The following DPP6 variants were observed in gnomAD, a reference collection of about 807,000 sequenced individuals.
The protein encoded by DPP6 is dipeptidyl peptidase like 6.
DPP6 carries 69 observed loss-of-function variants against 122.6 expected under a neutral mutation model. That is an observed-to-expected ratio of 0.56 (90% CI 0.46 to 0.69). The LOEUF is 0.69. DPP6 is among the 30% of genes least tolerant of loss of function. DPP6 has a pLI of 0.00. For missense variants in DPP6, 928 were observed against 1,116.9 expected (o/e 0.83, Z 2.41); for synonymous variants, 418 against 433.1 (o/e 0.97, Z 0.43).
At chr7:154,357,119 A>G (rs1307189568) in intron 1 of DPP6, among the ~76,000 whole-genome samples, 1 of 152,222 alleles carries the variant, frequency 6.6e-6, no homozygotes, top group East Asian at 1.9e-4. Flanking sequence ...ATGAACCATG[A>G]ACAATGAATA....
At chr7:154,883,759 C>T (rs1259115537) in intron 21 of DPP6, 1 of 136,008 alleles carries the variant, frequency 7.4e-6, no homozygotes, top group African/African-American at 2.6e-5. Flanking sequence ...CTACATACAC[C>T]TACTCACACA....
rs77816407 is a variant in DPP6 at position 154,572,510 on chromosome 7, C to CTTTTTTTTTTTTTTTT, written c.627+5605_627+5620dup. 9.6e-4 allele frequency among the ~76,000 whole-genome samples: 83 copies of CTTTTTTTTTTTTTTTT among 86,144 alleles called. 4 individuals carry two copies. The highest frequency in any genetic ancestry group is 7.9e-3 in the Middle Eastern group (1 of 126). The allele number at this position is 86,144 out of a possible 152,430, so 56.5% of individuals were successfully genotyped here. A position where few individuals can be genotyped will look rare whatever the true frequency, so the allele number is the denominator to read the frequency against. On this transcript the variant is annotated intron_variant, in intron 5 of 25. Coordinates refer to ENST00000377770, the MANE Select transcript of DPP6 (RefSeq NM_130797.4). ...ATATGAGTTTCTTTTTTTTTCTTTT[C>CTTTTTTTTTTTTTTTT]TTTTTTTTTTTTTTTTTTTTTTTTT...
At chr7:154,745,398 G>T (rs780538218) in intron 8 of DPP6, among the ~76,000 whole-genome samples, 4 of 152,130 alleles carry the variant, frequency 2.6e-5, no homozygotes, top group Admixed American at 6.6e-5. Flanking sequence ...CAATAGAATT[G>T]CCAGAGTATC....
At chr7:154,421,801 G>A (rs929515369) in intron 1 of DPP6, among the ~76,000 whole-genome samples, 3 of 152,190 alleles carry the variant, frequency 2.0e-5, no homozygotes, top group Non-Finnish European at 4.4e-5. Context: ...AGTGGAGAAC[G>A]GAACCAGCTA....
intron 1 of DPP6, among the ~76,000 whole-genome samples, chr7:154,046,597 C>T (rs1800027998): frequency 1.3e-5 from 2 of 152,214 alleles, no homozygotes; most frequent in Non-Finnish European, 2.9e-5. Flanking sequence ...CAGACTGTCC[C>T]ACTGAACATC....
chr7:154,162,909 G>A (rs986172543), intron 1 of DPP6, among the ~76,000 whole-genome samples: 10 of 151,980 alleles, frequency 6.6e-5, no homozygotes, highest in African/African-American at 2.4e-4. Flanking sequence ...TGCTAGTGCT[G>A]TAAGGAACTT....
intron 1 of DPP6, among the ~76,000 whole-genome samples, chr7:154,390,139 G>A (rs963839606): frequency 2.0e-5 from 3 of 152,214 alleles, no homozygotes; most frequent in Non-Finnish European, 2.9e-5. Context: ...CTGCATGCCA[G>A]TTAGCTTATT....
intron 1 of DPP6, among the ~76,000 whole-genome samples, chr7:154,060,746 CT>C (rs1801703297): frequency 7.5e-6 from 1 of 134,210 alleles, no homozygotes; most frequent in East Asian, 2.3e-4. Context: ...GAGGCAGGGA[CT>C]GAGAGCCAGT....
intron 1 of DPP6, among the ~76,000 whole-genome samples, chr7:153,954,854 T>G (rs971102518): frequency 6.6e-6 from 1 of 152,192 alleles, no homozygotes; most frequent in Admixed American, 6.5e-5. Flanking sequence ...TAAAATAAAT[T>G]TCTTCGTCTT....
chr7:154,804,704 C>T (rs1031965298), intron 14 of DPP6, among the ~76,000 whole-genome samples: 1 of 152,208 alleles, frequency 6.6e-6, no homozygotes, highest in African/African-American at 2.4e-5. Context: ...GCACCCGGAG[C>T]CAGTGGAATC....
chr7:153,871,826 G>T, the DPP6 span, among the ~76,000 whole-genome samples: 1 of 152,198 alleles, frequency 6.6e-6, no homozygotes, highest in Non-Finnish European at 1.5e-5. Context: ...AGACAGTTTA[G>T]AGAGTCATTA....
chr7:154,855,542 G>T (rs1212246154), intron 17 of DPP6, among the ~76,000 whole-genome samples: 1 of 152,200 alleles, frequency 6.6e-6, no homozygotes, highest in African/African-American at 2.4e-5. Flanking sequence ...AGCAATGGGG[G>T]CGGTATCCCC....
At chr7:153,971,222 T>TA (rs1796000450) in intron 1 of DPP6, among the ~76,000 whole-genome samples, 1 of 152,162 alleles carries the variant, frequency 6.6e-6, no homozygotes, top group African/African-American at 2.4e-5. Flanking sequence ...ATTTTTAACT[T>TA]ACTATTTCCA....
chr7:153,791,006 T>C, the DPP6 span, among the ~76,000 whole-genome samples: 108 of 152,286 alleles, frequency 7.1e-4, no homozygotes, highest in African/African-American at 2.5e-3. Flanking sequence ...AGAGAAATCA[T>C]GTGGTTTGAC....
chr7:153,893,349 C>A (rs1799285257), intron 1 of DPP6, among the ~76,000 whole-genome samples: 1 of 152,178 alleles, frequency 6.6e-6, no homozygotes, highest in African/African-American at 2.4e-5. Context: ...GTGCTATTAC[C>A]AAGAGGTGTG....
chr7:154,206,536 G>T (rs943447233), intron 1 of DPP6, among the ~76,000 whole-genome samples: 1 of 152,206 alleles, frequency 6.6e-6, no homozygotes, highest in Non-Finnish European at 1.5e-5. Context: ...ACGTGTCCAA[G>T]CCCGTATAGC....
chr7:154,389,067 T>G (rs758930215), intron 1 of DPP6, among the ~76,000 whole-genome samples: 7 of 152,176 alleles, frequency 4.6e-5, no homozygotes, highest in Non-Finnish European at 1.0e-4. Context: ...CCTTGATGGA[T>G]TACCGTCCCC....
At chr7:153,996,362 G>A (rs1181017233) in intron 1 of DPP6, among the ~76,000 whole-genome samples, 7 of 152,132 alleles carry the variant, frequency 4.6e-5, no homozygotes, top group Non-Finnish European at 1.0e-4. Context: ...TCCTGTCTTA[G>A]AAAGATGTAG....
At chr7:154,599,947 C>T (rs551463655) in intron 5 of DPP6, among the ~76,000 whole-genome samples, 68 of 152,194 alleles carry the variant, frequency 4.5e-4, no homozygotes, top group African/African-American at 1.6e-3. Flanking sequence ...GGCAAACTTT[C>T]CTCTCTGCTG....
Sources: gnomAD v4.1 joint callset for allele counts (sites outside exome capture counted in the v4.1 genomes callset) on GRCh38, gnomAD v4.1.1 for gene constraint, MANE v1.5 for transcripts, NCBI Gene and HGNC (gene_info 2026-07-23, HGNC 2026-07-21) for gene names.